ZNF837: variants seen among roughly 807,000 people sequenced by gnomAD.
ZNF837 encodes the protein zinc finger protein 837.
For synonymous variants in ZNF837, 475 were observed against 365.2 expected, an observed-to-expected ratio of 1.30 and a Z score of -3.43; for missense variants, 955 against 801.7, an observed-to-expected ratio of 1.19 and a Z score of -2.31.
chr19:58,374,106 T>C (rs2052222750), intron 1 of ZNF837, among the ~76,000 whole-genome samples: 1 of 152,136 alleles, frequency 6.6e-6, no homozygotes, highest in Admixed American at 6.6e-5. Context: ...GGGATATAGA[T>C]AGTGCAGCTG....
At position 58,367,749 on chromosome 19, in the gene ZNF837, G is replaced by A. The variant is rs1250512835; in HGVS notation, c.1584C>T (p.Arg528=). The change falls in exon 3 of 3, where the codon CGC becomes CGT. Residue 528 remains arginine, a synonymous_variant. Transcript: ENST00000597582. ...LNEHRKRHGG[R]AAP is the part of the protein sequence containing the mutation. ...CGGCTCCCTGCAGTCAAGGCGCGGCGCGGCCCCCGTGCCGCTTCCGGTGCT... is the reference window on the plus strand; with the variant it reads ...CGGCTCCCTGCAGTCAAGGCGCGGCACGGCCCCCGTGCCGCTTCCGGTGCT... 2 of 1,526,772 alleles carry A rather than the reference G, an allele frequency of 1.3e-6. No homozygotes were observed. Among genetic ancestry groups the A allele is most frequent in the Non-Finnish European group, 8.8e-7 (1 of 1,142,694 alleles). 94.6% of individuals were successfully genotyped at this position (1,526,772 alleles called of 1,614,324 possible).
chr19:58,375,797 G>A (rs1356565512), intron 1 of ZNF837, among the ~76,000 whole-genome samples: 1 of 148,670 alleles, frequency 6.7e-6, no homozygotes, highest in Non-Finnish European at 1.5e-5. Context: ...ATGCCACAGT[G>A]CTCCTTCCTG....
intron 1 of ZNF837, among the ~76,000 whole-genome samples, chr19:58,373,089 G>C (rs563838249): frequency 2.3e-4 from 35 of 152,274 alleles, no homozygotes; most frequent in Non-Finnish European, 3.8e-4. Context: ...TCCCCTCCAG[G>C]CCTGTGTGAG....
At chr19:58,377,142 G>T (rs1254312298) in intron 1 of ZNF837, among the ~76,000 whole-genome samples, 1 of 151,854 alleles carries the variant, frequency 6.6e-6, no homozygotes, top group Admixed American at 6.6e-5. Flanking sequence ...ACTGGAATCC[G>T]GGAGGCGGAG....
chr19:58,376,211 C>T (rs1022426515), intron 1 of ZNF837, among the ~76,000 whole-genome samples: 1 of 152,128 alleles, frequency 6.6e-6, no homozygotes, highest in Non-Finnish European at 1.5e-5. Flanking sequence ...CAAGCCACTG[C>T]GCCCGGCCGA....
Position 58,369,234 on chromosome 19 carries a change from C to A in ZNF837, c.99G>T (p.Arg33Ser). The A allele has an allele frequency of 2.1e-6, 3 of 1,425,318 alleles. No individual in the cohort carries two copies. Among genetic ancestry groups the A allele is most frequent in the Non-Finnish European group, 2.7e-6 (3 of 1,093,292 alleles). The allele number at this position is 1,425,318 out of a possible 1,614,324, so 88.3% of individuals were successfully genotyped here. A position where few individuals can be genotyped will look rare whatever the true frequency, so the allele number is the denominator to read the frequency against. ...GAREKRPEEP[R>S]PLEEDRAGSR... ...TCCCAGCTCGGTCCTCTTCGAGGGG[C>A]CTCGGCTCCTCGGGCCTCTTCTCCC... The change falls in exon 3 of 3, where the codon AGG (arginine) becomes AGT (serine). Residue 33 changes from arginine to serine, a missense_variant. Arg to Ser is a moderately radical substitution (Grantham distance 110). Coordinates refer to ENST00000597582, the MANE Select transcript of ZNF837 (RefSeq NM_138466.2).
At chr19:58,372,216 G>A (rs991484854) in intron 1 of ZNF837, among the ~76,000 whole-genome samples, 13 of 151,738 alleles carry the variant, frequency 8.6e-5, no homozygotes, top group African/African-American at 2.4e-4. Flanking sequence ...CACCAAGCCC[G>A]GCTAATTTTG....
Position 58,367,639 on chromosome 19 carries a change from T to G in ZNF837, c.*98A>C. 7.1e-7 allele frequency: 1 copy of G among 1,398,792 alleles called. No individual in the cohort carries two copies. Among genetic ancestry groups the G allele is most frequent in the Non-Finnish European group, 9.3e-7 (1 of 1,071,786 alleles). 86.6% of individuals were successfully genotyped at this position (1,398,792 alleles called of 1,614,324 possible). On this transcript the variant is annotated 3_prime_UTR_variant, in exon 3 of 3. Coordinates refer to ENST00000597582, the MANE Select transcript of ZNF837 (RefSeq NM_138466.2). ...GACGCCATGTGTACAAAGTGAAGTTTAATCAAAGTTACAAACGTTGGTGGG... is the reference window on the plus strand; with the variant it reads ...GACGCCATGTGTACAAAGTGAAGTTGAATCAAAGTTACAAACGTTGGTGGG...
chr19:58,368,077 T>C lies in ZNF837; in HGVS notation c.1256A>G (p.Tyr419Cys), dbSNP rs1412236446. Residue 419 changes from tyrosine to cysteine, a missense_variant, in exon 3 of 3, where the codon TAC becomes TGC. Physicochemically the swap from Tyr to Cys is radical, Grantham distance 194. Coordinates refer to ENST00000597582, the MANE Select transcript of ZNF837 (RefSeq NM_138466.2). ...GGCCTTTTCGCACAGTGGGCACGCG[T>C]AGGGCTTGGCGCTGCTGTGAGTGCG... ...HQRTHSSAKP[Y>C]ACPLCEKAFK... is the part of the protein sequence containing the mutation. 2 of 1,550,042 alleles carry C rather than the reference T, an allele frequency of 1.3e-6. No individual in the cohort carries two copies. Among genetic ancestry groups the C allele is most frequent in the Non-Finnish European group, 1.7e-6 (2 of 1,150,970 alleles).
At chr19:58,380,200 G>A (rs879504763) in intron 1 of ZNF837, among the ~76,000 whole-genome samples, 9 of 152,160 alleles carry the variant, frequency 5.9e-5, no homozygotes, top group African/African-American at 2.2e-4. Context: ...TGCACGCAAT[G>A]GGAAGAACAG....
intron 1 of ZNF837, among the ~76,000 whole-genome samples, chr19:58,375,179 C>G (rs1455150069): frequency 5.6e-5 from 8 of 143,742 alleles, no homozygotes; most frequent in African/African-American, 1.8e-4. Flanking sequence ...TTGCTTGAAC[C>G]TGGGAGGAGG....
In ZNF837 at chr19:58,368,006, C is replaced by T. The variant is rs866367788; in HGVS notation, c.1327G>A (p.Gly443Ser). Reference sequence around the variant, plus strand: ...TCGGAGCAGCCATAGGGCCGCTCGCCGGTGTGCGCGCGCTGGTGTTGCACC... The same window carrying T: ...TCGGAGCAGCCATAGGGCCGCTCGCTGGTGTGCGCGCGCTGGTGTTGCACC... ...GLVQHQRAHT[G>S]ERPYGCSECG... The change falls in exon 3 of 3, where the codon GGC (glycine) becomes AGC (serine). Residue 443 changes from glycine to serine, a missense_variant. Coordinates refer to ENST00000597582, the MANE Select transcript of ZNF837 (RefSeq NM_138466.2). The T allele has an allele frequency of 2.0e-6, 3 of 1,532,740 alleles. No homozygotes were observed. The highest frequency in any genetic ancestry group is 1.7e-6 in the Non-Finnish European group (2 of 1,144,196). The allele number at this position is 1,532,740 out of a possible 1,614,324, so 94.9% of individuals were successfully genotyped here. A position where few individuals can be genotyped will look rare whatever the true frequency, so the allele number is the denominator to read the frequency against.
In ZNF837 at chr19:58,368,476, A is replaced by C. The variant is rs568699747; in HGVS notation, c.857T>G (p.Leu286Arg). Reference protein sequence around the residue: ...CGKAFTRTSSLLQHQRIHTGE... With the variant: ...CGKAFTRTSSRLQHQRIHTGE... ...CGTGTGGATGCGCTGGTGCTGCAGC[A>C]GGCTGGAGGTGCGCGTGAAGGCCTT... The change falls in exon 3 of 3, where the codon CTG (leucine) becomes CGG (arginine). Residue 286 changes from leucine (L) to arginine (R), a missense_variant. Leu to Arg is a moderately radical substitution (Grantham distance 102). Coordinates refer to ENST00000597582, the MANE Select transcript of ZNF837 (RefSeq NM_138466.2). 6,428 of 1,567,012 alleles carry C rather than the reference A, an allele frequency of 4.1e-3. 25 individuals are homozygous for C. Among genetic ancestry groups the C allele is most frequent in the Non-Finnish European group, 5.2e-3 (6,020 of 1,158,322 alleles).
chr19:58,379,668 G>A lies in ZNF837; in HGVS notation c.-140+1273C>T, dbSNP rs370965413. The stretch of plus-strand genomic sequence containing the variant: ...AGTTGTCCTTAGGGCTTCTGGTGTT[G>A]GGAACAGGATGCAGAGTTACCAATT... On this transcript the variant is annotated intron_variant, in intron 1 of 2. Coordinates refer to ENST00000597582, the MANE Select transcript of ZNF837 (RefSeq NM_138466.2). Among the ~76,000 whole-genome samples the A allele has an allele frequency of 2.6e-4, 40 of 152,316 alleles. No individual in the cohort carries two copies. The South Asian group carries it at 8.1e-3, about 31-fold the overall frequency.
At chr19:58,380,734 G>A (rs2052283212) in intron 1 of ZNF837, among the ~76,000 whole-genome samples, 1 of 152,230 alleles carries the variant, frequency 6.6e-6, no homozygotes, top group Non-Finnish European at 1.5e-5. Flanking sequence ...AACTACAGAA[G>A]CCCGTCCCGC....
At chr19:58,377,714 A>G (rs1317579499) in intron 1 of ZNF837, among the ~76,000 whole-genome samples, 2 of 152,202 alleles carry the variant, frequency 1.3e-5, no homozygotes, top group East Asian at 1.9e-4. Flanking sequence ...GCACAGGGCA[A>G]TTCCTTACAG....
rs1489591838 is a variant in ZNF837, at chr19:58,368,395, C to T, written c.938G>A (p.Gly313Asp). Reference protein sequence around the residue: ...ECGKAFVRCSGLYRHQKTHSA... With the variant: ...ECGKAFVRCSDLYRHQKTHSA... ...GTGCGTCTTCTGGTGGCGGTACAGG[C>T]CGGAGCAGCGCACGAAGGCCTTGCC... The change falls in exon 3 of 3, where the codon GGC becomes GAC. Residue 313 changes from glycine (G) to aspartate (D), a missense_variant. Gly to Asp is a moderately conservative substitution (Grantham distance 94). Coordinates refer to ENST00000597582, the MANE Select transcript of ZNF837 (RefSeq NM_138466.2). 2 of 1,532,870 alleles carry T rather than the reference C, an allele frequency of 1.3e-6. No individual in the cohort carries two copies. The highest frequency in any genetic ancestry group is 1.7e-6 in the Non-Finnish European group (2 of 1,143,064). The allele number at this position is 1,532,870 out of a possible 1,614,324, so 95.0% of individuals were successfully genotyped here.
At position 58,369,362 on chromosome 19, in the gene ZNF837, C is replaced by G; in HGVS notation, c.-29-1G>C. 2.2e-6 allele frequency: 3 copies of G among 1,333,586 alleles called. No homozygotes were observed. Among genetic ancestry groups the G allele is most frequent in the Non-Finnish European group, 2.9e-6 (3 of 1,046,400 alleles). The allele number at this position is 1,333,586 out of a possible 1,614,324, so 82.6% of individuals were successfully genotyped here. On this transcript the variant is annotated splice_acceptor_variant, in intron 2 of 2. Transcript: ENST00000597582. LOFTEE classifies it low-confidence loss of function (5UTR_SPLICE). ...GGGCGCAGAGTTCTGGTTGTAGGATCTGGAAGAGCAGAGAAGAAATGGAGG... is the reference window on the plus strand; with the variant it reads ...GGGCGCAGAGTTCTGGTTGTAGGATGTGGAAGAGCAGAGAAGAAATGGAGG...
intron 2 of ZNF837, 29 bp downstream of exon 2, chr19:58,369,790 T>A (rs1377996016): frequency 6.5e-6 from 1 of 153,712 alleles, no homozygotes; most frequent in Admixed American, 6.5e-5. Flanking sequence ...ATTGTCCATG[T>A]CTTCTGAGAG....
Sources: gnomAD v4.1 joint callset for allele counts (sites outside exome capture counted in the v4.1 genomes callset) on GRCh38, gnomAD v4.1.1 for gene constraint, MANE v1.5 for transcripts, NCBI Gene and HGNC (gene_info 2026-07-23, HGNC 2026-07-21) for gene names.